Variants in GTF3C1 observed in about 807,000 individuals in gnomAD.
GTF3C1 encodes general transcription factor 3C polypeptide 1.
GTF3C1 carries 57 observed loss-of-function variants against 226.7 expected under a neutral mutation model. That is an observed-to-expected ratio of 0.25 (90% CI 0.20 to 0.31). The LOEUF is 0.31. GTF3C1 is among the 10% of genes least tolerant of loss of function. The pLI is 1.00. For synonymous variants in GTF3C1, 1,090 were observed against 1,084.8 expected (o/e 1.00, Z -0.09); for missense variants, 2,217 against 2,776.1 (o/e 0.80, Z 4.53).
Position 27,478,390 on chromosome 16 carries a change from A to G in GTF3C1, c.4259+79T>C, listed in dbSNP as rs2087985479. The G allele has an allele frequency of 2.6e-5, 26 of 1,012,362 alleles. No homozygotes were observed. The South Asian group carries it at 3.2e-4, about 12-fold the overall frequency. The allele number at this position is 1,012,362 out of a possible 1,614,324, so 62.7% of individuals were successfully genotyped here. A position where few individuals can be genotyped will look rare whatever the true frequency, so the allele number is the denominator to read the frequency against. On this transcript the variant is annotated intron_variant, in intron 28 of 36. Transcript: ENST00000356183. ...GGTAGTGGGCTGGATTTGGCCCTAG[A>G]TTACCCCAGTGCAATAGGTTGTCAG...
At chr16:27,465,768 G>C in intron 32 of GTF3C1, 1 of 565,020 alleles carries the variant, frequency 1.8e-6, no homozygotes, top group Admixed American at 3.0e-5. Context: ...CAGCTGACTG[G>C]ATTTCTCTTG....
intron 12 of GTF3C1, 89 bp from the exon 13 acceptor site, chr16:27,498,822 C>T: frequency 1.3e-6 from 1 of 761,524 alleles, no homozygotes; most frequent in African/African-American, 1.7e-5. Flanking sequence ...GAACCTCAGT[C>T]ATACCTGTTT....
Position 27,516,568 on chromosome 16 carries a change from T to C in GTF3C1, c.974-4667A>G, listed in dbSNP as rs142416865. 5.4e-3 allele frequency among the ~76,000 whole-genome samples: 821 copies of C among 152,384 alleles called. 4 individuals carry two copies. Among genetic ancestry groups the C allele is most frequent in the African/African-American group, 0.019 (790 of 41,598 alleles). ...TAAGCCCTGTTTTATTTACCCAAGCTGTGTCTGGCTCTGCTCTTTCACAAC... is the reference window on the plus strand; with the variant it reads ...TAAGCCCTGTTTTATTTACCCAAGCCGTGTCTGGCTCTGCTCTTTCACAAC... On this transcript the variant is annotated intron_variant, in intron 6 of 36. Coordinates refer to ENST00000356183, the MANE Select transcript of GTF3C1 (RefSeq NM_001520.4).
chr16:27,545,078 G>A (rs1013435481), intron 2 of GTF3C1, among the ~76,000 whole-genome samples: 2 of 151,388 alleles, frequency 1.3e-5, no homozygotes, highest in South Asian at 4.1e-4. Context: ...CTGGGTTCAA[G>A]TGATTCTCAT....
chr16:27,533,404 G>A lies in GTF3C1; in HGVS notation c.753-17C>T. 1 of 1,465,294 alleles carries A rather than the reference G, an allele frequency of 6.8e-7. No individual in the cohort carries two copies. The highest frequency in any genetic ancestry group is 9.6e-7 in the Non-Finnish European group (1 of 1,045,288). 90.8% of individuals were successfully genotyped at this position (1,465,294 alleles called of 1,614,324 possible). ...TTGCTCCTCCTGCAAGAAACACCGA[G>A]CAATTCGTTTTTTCAAACCTGTTGC... is the stretch of plus-strand genomic sequence containing the variant. On this transcript the variant is annotated splice_polypyrimidine_tract_variant and intron_variant, in intron 4 of 36. Coordinates refer to ENST00000356183, the MANE Select transcript of GTF3C1 (RefSeq NM_001520.4).
chr16:27,463,557 G>A lies in GTF3C1; in HGVS notation c.5908C>T (p.Gln1970Ter). The A allele has an allele frequency of 6.3e-7, 1 of 1,599,514 alleles. No homozygotes were observed. Among genetic ancestry groups the A allele is most frequent in the Non-Finnish European group, 8.6e-7 (1 of 1,166,674 alleles). Residue 1970 changes from glutamine (Q) to a stop codon, truncating the protein, a stop_gained, in exon 35 of 37, where the codon CAG becomes TAG. Transcript: ENST00000356183. LOFTEE classifies it high-confidence loss of function. This position sits in a 1 kb window ranked among gnomAD's most constrained non-coding sequence, Gnocchi z 4.9. ...CACACCCACCTTTCCCGTGCTGCCT[G>A]GGAGATGTTGGCAGCTCCGAAACTC... Reference protein sequence around the residue: ...TESFGAANISQAARERDCESV... With the variant: ...TESFGAANIS
chr16:27,518,486 G>A (rs1348426583), intron 6 of GTF3C1, among the ~76,000 whole-genome samples: 1 of 152,218 alleles, frequency 6.6e-6, no homozygotes, highest in Non-Finnish European at 1.5e-5. Flanking sequence ...TGGAGGTAGT[G>A]CTCTGTAGAT....
intron 2 of GTF3C1, among the ~76,000 whole-genome samples, chr16:27,542,590 C>T (rs2089101728): frequency 6.6e-6 from 1 of 151,862 alleles, no homozygotes; most frequent in Non-Finnish European, 1.5e-5. Context: ...AAGTTTAATC[C>T]CCAGTGCAGC....
At chr16:27,513,946 C>T (rs953329733) in intron 6 of GTF3C1, among the ~76,000 whole-genome samples, 2 of 152,140 alleles carry the variant, frequency 1.3e-5, no homozygotes, top group African/African-American at 4.8e-5. Context: ...GAAAGTCAGG[C>T]CCAACCACCT....
At position 27,492,807 on chromosome 16, in the gene GTF3C1, T is replaced by C. The variant is rs2088253235; in HGVS notation, c.2877-94A>G. 9.0e-6 allele frequency: 7 copies of C among 777,816 alleles called. No homozygotes were observed. Among genetic ancestry groups the C allele is most frequent in the South Asian group, 8.3e-5 (6 of 71,940 alleles). The allele number at this position is 777,816 out of a possible 1,614,324, so 48.2% of individuals were successfully genotyped here. On this transcript the variant is annotated intron_variant, in intron 17 of 36. Transcript: ENST00000356183. The surrounding 1 kb of genome is among the most constrained non-coding windows in gnomAD (Gnocchi z 5.0). ...TGGGGTGAGGGGTGCGACTTCCTTC[T>C]TCTCTTTTCCACCTGGTGGTCACTG... is the stretch of plus-strand genomic sequence containing the variant.
rs750875265 is a variant in GTF3C1, at chr16:27,465,395, A to C, written c.5220T>G (p.Thr1740=). 6.2e-7 allele frequency: 1 copy of C among 1,614,164 alleles called. No homozygotes were observed. The highest frequency in any genetic ancestry group is 1.7e-5 in the Admixed American group (1 of 60,032). The part of the protein sequence containing the change: ...ELSGYSPEDL[T]AALEILEAII... ...TGGCTTCCAAGATCTCCAAGGCAGC[A>C]GTCAGGTCTTCGGGACTATACCCAG... is the stretch of plus-strand genomic sequence containing the variant. The change falls in exon 33 of 37, where the codon ACT becomes ACG. Residue 1740 remains threonine, a synonymous_variant. Coordinates refer to ENST00000356183, the MANE Select transcript of GTF3C1 (RefSeq NM_001520.4).
At chr16:27,474,535 CG>C (rs1268997326) in intron 29 of GTF3C1, among the ~76,000 whole-genome samples, 4 of 151,980 alleles carry the variant, frequency 2.6e-5, no homozygotes, top group Non-Finnish European at 5.9e-5. Context: ...AGCCAGAAGT[CG>C]GAAATTTGGA....
chr16:27,529,578 A>C (rs923170024), intron 5 of GTF3C1, among the ~76,000 whole-genome samples: 22 of 152,232 alleles, frequency 1.4e-4, no homozygotes, highest in Admixed American at 6.5e-5. Context: ...TCTCCCCTGC[A>C]GGGGTGACCA....
chr16:27,533,203 T>C (rs1431205109), intron 5 of GTF3C1, 88 bp downstream of exon 5: 4 of 680,234 alleles, frequency 5.9e-6, no homozygotes, highest in African/African-American at 3.6e-5. Context: ...GGGCTTTGGG[T>C]TGCAATTCAT....
Position 27,469,679 on chromosome 16 carries a change from T to A in GTF3C1, c.4815-129A>T. 1 of 1,017,896 alleles carries A rather than the reference T, an allele frequency of 9.8e-7. No individual in the cohort carries two copies. Among genetic ancestry groups the A allele is most frequent in the Non-Finnish European group, 1.5e-6 (1 of 683,824 alleles). 63.1% of individuals were successfully genotyped at this position (1,017,896 alleles called of 1,614,324 possible). A position where few individuals can be genotyped will look rare whatever the true frequency, so the allele number is the denominator to read the frequency against. The stretch of plus-strand genomic sequence containing the variant: ...GCCCCAGCAACTGGCTATGCTTCAT[T>A]ACCAAGGCTGGTGTGGATGGCTGCC... On this transcript the variant is annotated intron_variant, in intron 31 of 36. Coordinates refer to ENST00000356183, the MANE Select transcript of GTF3C1 (RefSeq NM_001520.4). This position sits in a 1 kb window ranked among gnomAD's most constrained non-coding sequence, Gnocchi z 4.5.
At position 27,462,789 on chromosome 16, in the gene GTF3C1, G is replaced by C. The variant is rs2087725602; in HGVS notation, c.5925-303C>G. 1.1e-5 allele frequency: 4 copies of C among 367,920 alleles called. No homozygotes were observed. The highest frequency in any genetic ancestry group is 2.0e-5 in the Non-Finnish European group (4 of 199,078). The allele number at this position is 367,920 out of a possible 1,614,324, so 22.8% of individuals were successfully genotyped here. On this transcript the variant is annotated intron_variant, in intron 35 of 36. Transcript: ENST00000356183. The surrounding 1 kb of genome is among the most constrained non-coding windows in gnomAD (Gnocchi z 4.5). ...AGGGTTGTGACTCCTGGACTTGCCAGCTCTACTGGCAGCCCAGGCAGAAAC... is the reference window on the plus strand; with the variant it reads ...AGGGTTGTGACTCCTGGACTTGCCACCTCTACTGGCAGCCCAGGCAGAAAC...
rs1245506784 is a variant in GTF3C1, at chr16:27,480,883, T to C, written c.4196+196A>G. On this transcript the variant is annotated intron_variant, in intron 27 of 36. Transcript: ENST00000356183. ...TGAAGGACCAATGGGAGAATGAACATAAATGCCCGGCAGGGTGCTAGGTCC... is the reference window on the plus strand; with the variant it reads ...TGAAGGACCAATGGGAGAATGAACACAAATGCCCGGCAGGGTGCTAGGTCC... The C allele has an allele frequency of 9.1e-6, 5 of 551,434 alleles. No individual in the cohort carries two copies. In the Admixed American group the frequency reaches 1.2e-4, roughly 14 times the overall value. The allele number at this position is 551,434 out of a possible 1,614,324, so 34.2% of individuals were successfully genotyped here.
chr16:27,501,155 A>G, intron 12 of GTF3C1, 36 bp downstream of exon 12: 1 of 1,579,846 alleles, frequency 6.3e-7, no homozygotes, highest in Non-Finnish European at 8.7e-7. Context: ...CAACAGCACG[A>G]GGCTGGCTCT....
intron 6 of GTF3C1, among the ~76,000 whole-genome samples, chr16:27,516,075 A>G (rs886126812): frequency 6.6e-6 from 1 of 152,230 alleles, no homozygotes; most frequent in African/African-American, 2.4e-5. Flanking sequence ...GAACAGTACC[A>G]CCAGCACCTA....
Sources: gnomAD v4.1 joint callset for allele counts (sites outside exome capture counted in the v4.1 genomes callset) on GRCh38, gnomAD v4.1.1 for gene constraint, Gnocchi (gnomAD v3.1) non-coding constraint, MANE v1.5 for transcripts, NCBI Gene and HGNC (gene_info 2026-07-23, HGNC 2026-07-21) for gene names.